BIRC6: variants seen among roughly 807,000 people sequenced by gnomAD.
BIRC6 encodes baculoviral IAP repeat containing 6, also known as dual E2 ubiquitin-conjugating enzyme/E3 ubiquitin-protein ligase BIRC6.
A neutral mutation model predicts 503.3 loss-of-function variants in BIRC6; 98 were observed. The ratio of observed to expected loss-of-function variants is 0.19; its 90% confidence interval spans 0.17 to 0.23. The LOEUF is 0.23. BIRC6 is among the 10% of genes least tolerant of loss of function. BIRC6 has a pLI of 1.00. For missense variants in BIRC6, 5,360 were observed against 5,806.0 expected, an observed-to-expected ratio of 0.92 and a Z score of 2.50; for synonymous variants, 2,240 against 2,078.7, an observed-to-expected ratio of 1.08 and a Z score of -2.11.
intron 66 of BIRC6, among the ~76,000 whole-genome samples, chr2:32,582,089 C>T (rs898536854): frequency 6.6e-6 from 1 of 152,270 alleles, no homozygotes; most frequent in South Asian, 2.1e-4. Context: ...GAACTCCTGA[C>T]CTCAAGTGAT....
chr2:32,567,167 G>C (rs963850853), intron 65 of BIRC6, among the ~76,000 whole-genome samples: 19 of 151,742 alleles, frequency 1.3e-4, no homozygotes, highest in African/African-American at 4.6e-4. Context: ...ACTGGGTTTT[G>C]CCATGTTGGC....
chr2:32,560,807 A>G (rs2059117823), intron 65 of BIRC6, among the ~76,000 whole-genome samples: 2 of 151,664 alleles, frequency 1.3e-5, no homozygotes, highest in Non-Finnish European at 2.9e-5. Context: ...GGCCTTAAGC[A>G]ATCCTCTTGT....
intron 59 of BIRC6, chr2:32,529,421 G>T: frequency 2.6e-6 from 1 of 383,260 alleles, no homozygotes; most frequent in Non-Finnish European, 4.6e-6. Flanking sequence ...CTTTGTTTAC[G>T]TTTTGCCCAT....
chr2:32,386,442 CTCTTT>C (rs2038477849), intron 3 of BIRC6, among the ~76,000 whole-genome samples: 1 of 147,818 alleles, frequency 6.8e-6, no homozygotes, highest in African/African-American at 2.5e-5. Context: ...AAGTCTCTCT[CTCTTT>C]TTTTTTTTTT....
intron 65 of BIRC6, chr2:32,574,864 T>C: frequency 2.6e-6 from 1 of 390,218 alleles, no homozygotes. Flanking sequence ...TTCTCCTGCC[T>C]CAGCCTCCGA....
chr2:32,399,591 T>C (rs2040376815), intron 6 of BIRC6, among the ~76,000 whole-genome samples: 2 of 152,054 alleles, frequency 1.3e-5, no homozygotes, highest in Admixed American at 1.3e-4. Context: ...GATCCTGACA[T>C]TTCTAATGCC....
intron 9 of BIRC6, among the ~76,000 whole-genome samples, chr2:32,409,511 T>A (rs891813109): frequency 3.3e-5 from 5 of 152,142 alleles, no homozygotes; most frequent in Admixed American, 2.0e-4. Flanking sequence ...GAGACATTTG[T>A]TTTTTAGTTG....
At chr2:32,506,737 A>G (rs1286361342) in intron 50 of BIRC6, among the ~76,000 whole-genome samples, 12 of 152,244 alleles carry the variant, frequency 7.9e-5, no homozygotes, top group African/African-American at 2.9e-4. Flanking sequence ...GAAGTTGAAA[A>G]TATGTTGTGA....
intron 62 of BIRC6, among the ~76,000 whole-genome samples, chr2:32,544,439 C>T (rs1238872521): frequency 6.7e-6 from 1 of 149,920 alleles, no homozygotes; most frequent in Non-Finnish European, 1.5e-5. Flanking sequence ...GATAGCCTCA[C>T]AAGTAGATTT....
intron 61 of BIRC6, among the ~76,000 whole-genome samples, chr2:32,539,395 C>T (rs929297775): frequency 1.3e-5 from 2 of 152,214 alleles, no homozygotes; most frequent in African/African-American, 4.8e-5. Context: ...ACAGGATGTA[C>T]TTCTTTCCAA....
At chr2:32,564,088 AAAAC>A (rs931744770) in intron 65 of BIRC6, 5 of 147,980 alleles carry the variant, frequency 3.4e-5, no homozygotes, top group African/African-American at 1.1e-4. Context: ...CAAAAAACAA[AAAAC>A]AAACAAACCC....
chr2:32,381,739 T>C (rs1201431955), intron 3 of BIRC6, among the ~76,000 whole-genome samples: 2 of 152,030 alleles, frequency 1.3e-5, no homozygotes, highest in Admixed American at 1.3e-4. Flanking sequence ...AGAAATTGGG[T>C]TTCACTATGT....
chr2:32,597,689 T>C, intron 68 of BIRC6, 62 bp from the exon 69 acceptor site: 1 of 1,236,330 alleles, frequency 8.1e-7, no homozygotes, highest in Admixed American at 2.0e-5. Flanking sequence ...TGATTGTTTG[T>C]GATTTTTGTC....
chr2:32,584,194 G>A (rs1268203761), intron 66 of BIRC6, among the ~76,000 whole-genome samples: 18 of 152,002 alleles, frequency 1.2e-4, no homozygotes, highest in Admixed American at 1.1e-3. Context: ...GTAATATAAC[G>A]AGACCCCCAT....
intron 15 of BIRC6, among the ~76,000 whole-genome samples, 167 bp downstream of exon 15, chr2:32,436,351 CTG>C (rs1247051022): frequency 1.3e-5 from 2 of 152,156 alleles, no homozygotes; most frequent in Non-Finnish European, 2.9e-5. Context: ...AAGTAACTAA[CTG>C]TATGGTTATC....
At position 32,372,098 on chromosome 2, in the gene BIRC6, G is replaced by C. The variant is rs114006083; in HGVS notation, c.326-5490G>C. Among the ~76,000 whole-genome samples, 888 of 152,168 alleles carry C rather than the reference G, an allele frequency of 5.8e-3. 8 individuals carry two copies. The highest frequency in any genetic ancestry group is 0.02 in the African/African-American group (843 of 41,516). ...GGGATTACAGGTGTGAAGGCATTGC[G>C]CTTGGGTGTGTTTTTTCCTTTACAA... On this transcript the variant is annotated intron_variant, in intron 1 of 73. Transcript: ENST00000421745.
Position 32,515,610 on chromosome 2 carries a change from A to G in BIRC6, c.11189A>G (p.Asn3730Ser). The change falls in exon 55 of 74, where the codon AAT becomes AGT. Residue 3730 changes from asparagine to serine, a missense_variant. By Grantham distance (46) the Asn-to-Ser change is conservative. Coordinates refer to ENST00000421745, the MANE Select transcript of BIRC6 (RefSeq NM_016252.4). ...TCTGGGTCCACTTCTGGAAGCCATA[A>G]TTTAGGTGCACAACAGACCAGTGCA... ...CHSGSTSGSH[N>S]LGAQQTSARS... The G allele has an allele frequency of 6.2e-7, 1 of 1,613,690 alleles. No individual in the cohort carries two copies. The highest frequency in any genetic ancestry group is 8.5e-7 in the Non-Finnish European group (1 of 1,179,882).
chr2:32,499,452 T>C, intron 45 of BIRC6, 95 bp from the exon 46 acceptor site: 2 of 1,135,576 alleles, frequency 1.8e-6, no homozygotes, highest in South Asian at 3.4e-5. Flanking sequence ...GTTACTACTT[T>C]CAGAACTACT....
At position 32,476,893 on chromosome 2, in the gene BIRC6, T is replaced by C. The variant is rs2049827314; in HGVS notation, c.6853-475T>C. Among the ~76,000 whole-genome samples the C allele has an allele frequency of 3.3e-5, 5 of 152,204 alleles. No individual in the cohort carries two copies. In the South Asian group the frequency reaches 1.0e-3, roughly 32 times the overall value. On this transcript the variant is annotated intron_variant, in intron 34 of 73. Transcript: ENST00000421745. ...AGTTTTAAAACCTTGGTGTTTACTTTTTAAAATTTTGAGGGATACCGTGTA... is the reference window on the plus strand; with the variant it reads ...AGTTTTAAAACCTTGGTGTTTACTTCTTAAAATTTTGAGGGATACCGTGTA...
Sources: gnomAD v4.1 joint callset for allele counts (sites outside exome capture counted in the v4.1 genomes callset) on GRCh38, gnomAD v4.1.1 for gene constraint, MANE v1.5 for transcripts, NCBI Gene and HGNC (gene_info 2026-07-23, HGNC 2026-07-21) for gene names.